The following FNDC3A variants were observed in gnomAD, a reference collection of about 807,000 sequenced individuals.
FNDC3A encodes the protein fibronectin type-III domain-containing protein 3A.
Under a neutral mutation model 148.9 loss-of-function variants are expected in FNDC3A, and 32 were observed. That is an observed-to-expected ratio of 0.21 (90% CI 0.16 to 0.29). The LOEUF (loss-of-function observed/expected upper bound fraction) is 0.29. FNDC3A is among the 10% of genes least tolerant of loss of function. The pLI is 1.00. For synonymous variants in FNDC3A, 472 were observed against 473.6 expected (o/e 1.00, Z 0.04); for missense variants, 1,191 against 1,452.8 (o/e 0.82, Z 2.93).
Position 49,172,046 on chromosome 13 carries a change from C to G in FNDC3A, c.1180C>G (p.Pro394Ala). Residue 394 changes from proline (P) to alanine (A), a missense_variant, in exon 11 of 26, where the codon CCT (proline) becomes GCT (alanine). Pro to Ala is a conservative substitution (Grantham distance 27). Coordinates refer to ENST00000492622, the MANE Select transcript of FNDC3A (RefSeq NM_001079673.2). ...TGTTTTTTGGTGTTGGTTTTAGGCACCTAGTGACAATGGTTCTAAAATCCA... is the reference window on the plus strand; with the variant it reads ...TGTTTTTTGGTGTTGGTTTTAGGCAGCTAGTGACAATGGTTCTAAAATCCA... The part of the protein sequence containing the change: ...KNSLTLQWKA[P>A]SDNGSKIQNF... 1 of 1,603,326 alleles carries G rather than the reference C, an allele frequency of 6.2e-7. No homozygotes were observed. Among genetic ancestry groups the G allele is most frequent in the South Asian group, 1.1e-5 (1 of 89,136 alleles).
In FNDC3A at chr13:49,174,492, A is replaced by T. The variant is rs1227135528; in HGVS notation, c.1288A>T (p.Ile430Phe). Reference protein sequence around the residue: ...CYMGSQKQFKITKLSPAMGCK... With the variant: ...CYMGSQKQFKFTKLSPAMGCK... ...CATGGGCTCACAGAAACAATTTAAA[A>T]TTACTAAACTTTCACCAGCAATGGG... Residue 430 changes from isoleucine (I) to phenylalanine (F), a missense_variant, in exon 12 of 26, where the codon ATT becomes TTT. Coordinates refer to ENST00000492622, the MANE Select transcript of FNDC3A (RefSeq NM_001079673.2). The T allele has an allele frequency of 1.9e-6, 3 of 1,612,862 alleles. No homozygotes were observed. The highest frequency in any genetic ancestry group is 2.5e-6 in the Non-Finnish European group (3 of 1,179,034).
At chr13:49,008,566 T>C (rs1952269746) in intron 2 of FNDC3A, among the ~76,000 whole-genome samples, 1 of 152,188 alleles carries the variant, frequency 6.6e-6, no homozygotes, top group African/African-American at 2.4e-5. Flanking sequence ...TCTTCTACTC[T>C]TGGGATCAAA....
chr13:49,197,647 C>A, intron 20 of FNDC3A, 78 bp from the exon 21 acceptor site: 1 of 1,206,796 alleles, frequency 8.3e-7, no homozygotes, highest in Non-Finnish European at 1.2e-6. Context: ...TACATGTGCT[C>A]AGGTAAAGAG....
chr13:49,203,125 G>T, intron 24 of FNDC3A, 32 bp from the exon 25 acceptor site: 1 of 1,453,690 alleles, frequency 6.9e-7, no homozygotes, highest in South Asian at 1.3e-5. Flanking sequence ...AAATCAAGTG[G>T]AACAGATATT....
At chr13:49,043,711 T>G (rs1225367480) in intron 2 of FNDC3A, among the ~76,000 whole-genome samples, 1 of 152,198 alleles carries the variant, frequency 6.6e-6, no homozygotes, top group African/African-American at 2.4e-5. Flanking sequence ...AATGATTGCA[T>G]TGTACAATGC....
At chr13:49,168,824 A>G (rs896379355) in intron 10 of FNDC3A, 73 bp downstream of exon 10, 8 of 1,381,516 alleles carry the variant, frequency 5.8e-6, no homozygotes, top group Middle Eastern at 1.8e-4. Flanking sequence ...TTAAGTTTCA[A>G]TTGTTGCTGG....
intron 2 of FNDC3A, among the ~76,000 whole-genome samples, chr13:49,048,715 G>A (rs1875604399): frequency 6.6e-6 from 1 of 152,034 alleles, no homozygotes. Flanking sequence ...GGAGCTTTTT[G>A]GATGAGTCAT....
intron 17 of FNDC3A, among the ~76,000 whole-genome samples, chr13:49,190,636 A>T (rs1451498737): frequency 6.6e-6 from 1 of 152,240 alleles, no homozygotes; most frequent in Admixed American, 6.5e-5. Flanking sequence ...ATTTTAAAAC[A>T]TCCCTCCTTA....
chr13:49,151,630 G>C (rs1883303313), intron 8 of FNDC3A, among the ~76,000 whole-genome samples: 1 of 151,886 alleles, frequency 6.6e-6, no homozygotes, highest in African/African-American at 2.4e-5. Flanking sequence ...TACCGTACAG[G>C]TTTGTTACAT....
At chr13:49,131,039 T>C (rs944598704) in intron 4 of FNDC3A, 98 bp from the exon 5 acceptor site, 10 of 887,246 alleles carry the variant, frequency 1.1e-5, no homozygotes, top group Non-Finnish European at 1.6e-5. Flanking sequence ...GTGCTGGGAC[T>C]AGAGGCATGA....
At chr13:48,994,292 A>G (rs1951980126) in intron 1 of FNDC3A, among the ~76,000 whole-genome samples, 1 of 152,260 alleles carries the variant, frequency 6.6e-6, no homozygotes, top group Non-Finnish European at 1.5e-5. Context: ...GTTTTTAAAG[A>G]CATGGCAAAT....
intron 25 of FNDC3A, among the ~76,000 whole-genome samples, chr13:49,205,904 C>G (rs1165499482): frequency 6.6e-6 from 1 of 151,650 alleles, no homozygotes; most frequent in Non-Finnish European, 1.5e-5. Flanking sequence ...AGACAGAGAT[C>G]TTACTTTACT....
At chr13:49,122,633 A>G (rs945190551) in intron 4 of FNDC3A, among the ~76,000 whole-genome samples, 1 of 152,216 alleles carries the variant, frequency 6.6e-6, no homozygotes, top group Non-Finnish European at 1.5e-5. Context: ...TTAAGCAGAT[A>G]AACAACTTCA....
At chr13:49,013,443 T>C (rs149515474) in intron 2 of FNDC3A, among the ~76,000 whole-genome samples, 25 of 152,192 alleles carry the variant, frequency 1.6e-4, no homozygotes, top group East Asian at 1.6e-3. Context: ...TAGTTACATA[T>C]GTATACATGT....
chr13:49,082,635 A>G lies in FNDC3A; in HGVS notation c.175+7271A>G, dbSNP rs1311736593. On this transcript the variant is annotated intron_variant, in intron 3 of 25. Coordinates refer to ENST00000492622, the MANE Select transcript of FNDC3A (RefSeq NM_001079673.2). ...GGCAGAACAATATAGGCAGTGCACT[A>G]GTGGGAATGGGAGAGGTGAGCTGCA... is the stretch of plus-strand genomic sequence containing the variant. 2.6e-5 allele frequency among the ~76,000 whole-genome samples: 4 copies of G among 151,966 alleles called. No homozygotes were observed. In the South Asian group the frequency reaches 8.3e-4, roughly 32 times the overall value.
intron 4 of FNDC3A, among the ~76,000 whole-genome samples, chr13:49,130,796 T>C (rs1881982679): frequency 6.6e-6 from 1 of 152,174 alleles, no homozygotes; most frequent in Admixed American, 6.5e-5. Flanking sequence ...TGAGACAGAG[T>C]CTTGCTCTGT....
At chr13:49,008,984 G>A (rs1008865397) in intron 2 of FNDC3A, among the ~76,000 whole-genome samples, 4 of 151,928 alleles carry the variant, frequency 2.6e-5, no homozygotes, top group Admixed American at 6.6e-5. Flanking sequence ...GTATTGATGC[G>A]TTATTATTAA....
intron 18 of FNDC3A, 22 bp from the exon 19 acceptor site, chr13:49,191,187 C>T (rs1885866512): frequency 1.9e-6 from 3 of 1,604,820 alleles, no homozygotes; most frequent in Admixed American, 1.7e-5. Flanking sequence ...TGTTAAATTG[C>T]ATTAATCTTT....
rs1399896718 is a variant in FNDC3A, at chr13:49,201,970, A to G, written c.3154+4A>G. ...TCTGTCCCAGCTGCCTTGAAAGGTA[A>G]GTTATACATCCTGAACTTATTTTCT... On this transcript the variant is annotated splice_donor_region_variant and intron_variant, in intron 24 of 25. Transcript: ENST00000492622. 1 of 1,522,294 alleles carries G rather than the reference A, an allele frequency of 6.6e-7. No homozygotes were observed. Among genetic ancestry groups the G allele is most frequent in the Non-Finnish European group, 8.8e-7 (1 of 1,136,498 alleles). The allele number at this position is 1,522,294 out of a possible 1,614,324, so 94.3% of individuals were successfully genotyped here.
Sources: gnomAD v4.1 joint callset for allele counts (sites outside exome capture counted in the v4.1 genomes callset) on GRCh38, gnomAD v4.1.1 for gene constraint, MANE v1.5 for transcripts, NCBI Gene and HGNC (gene_info 2026-07-23, HGNC 2026-07-21) for gene names.